Variants in PCDHA4 observed in about 807,000 individuals in gnomAD.
The protein encoded by PCDHA4 is protocadherin alpha 4.
Under a neutral mutation model 61.4 loss-of-function variants are expected in PCDHA4, and 49 were observed. The ratio of observed to expected loss-of-function variants is 0.80; its 90% CI spans 0.63 to 1.01. PCDHA4 has a LOEUF of 1.01. Ranked by LOEUF, PCDHA4 falls within the 50% of genes least tolerant of loss-of-function variation. The probability of loss-of-function intolerance (pLI) is 0.00; values close to 1 mark genes in which losing one functional copy is unlikely to be tolerated. For synonymous variants in PCDHA4, 590 were observed against 550.3 expected, an observed-to-expected ratio of 1.07 and a Z score of -1.01; for missense variants, 1,254 against 1,235.8, an observed-to-expected ratio of 1.01 and a Z score of -0.22.
At chr5:140,823,054 C>A (rs2150121717) in intron 1 of PCDHA4, 2 of 1,614,154 alleles carry the variant, frequency 1.2e-6, no homozygotes, top group East Asian at 2.2e-5. Context: ...GGTGACCGCG[C>A]GGGACGGGGG....
chr5:140,972,583 T>G (rs1445659828), intron 1 of PCDHA4, among the ~76,000 whole-genome samples: 1 of 152,088 alleles, frequency 6.6e-6, no homozygotes, highest in African/African-American at 2.4e-5. Flanking sequence ...TAGGGCAGAA[T>G]TTCTCTTTGG....
chr5:140,849,578 G>A (rs2150441176), intron 1 of PCDHA4: 2 of 1,598,680 alleles, frequency 1.3e-6, no homozygotes, highest in East Asian at 2.2e-5. Flanking sequence ...CTGTAAAAGA[G>A]GACGCACAAC....
At chr5:140,876,509 A>G (rs782112140) in intron 1 of PCDHA4, 2 of 1,614,020 alleles carry the variant, frequency 1.2e-6, no homozygotes, top group South Asian at 2.2e-5. Flanking sequence ...GTGAATGACA[A>G]TGTCCCTGAA....
At position 140,808,110 on chromosome 5, in the gene PCDHA4, T is replaced by A; in HGVS notation, c.923T>A (p.Ile308Asn). ...GGACAAATTATTGTAAAGGGATATATTGACTTTGAAGAAAGCAAATCCTAT... is the reference window on the plus strand; with the variant it reads ...GGACAAATTATTGTAAAGGGATATAATGACTTTGAAGAAAGCAAATCCTAT... Reference protein sequence around the residue: ...ITGQIIVKGYIDFEESKSYEI... With the variant: ...ITGQIIVKGYNDFEESKSYEI... Residue 308 changes from isoleucine to asparagine, a missense_variant, in exon 1 of 4, where the codon ATT becomes AAT. Physicochemically the swap from Ile to Asn is moderately radical, Grantham distance 149. Coordinates refer to ENST00000530339, the MANE Select transcript of PCDHA4 (RefSeq NM_018907.4). The A allele has an allele frequency of 6.2e-7, 1 of 1,614,050 alleles. No individual in the cohort carries two copies. The highest frequency in any genetic ancestry group is 8.5e-7 in the Non-Finnish European group (1 of 1,179,888).
chr5:140,895,881 G>A (rs1004872677), intron 1 of PCDHA4, among the ~76,000 whole-genome samples: 22 of 152,176 alleles, frequency 1.4e-4, no homozygotes, highest in East Asian at 1.9e-4. Flanking sequence ...GCGCGATCTC[G>A]GCTCACTGCA....
chr5:140,855,741 A>C, intron 1 of PCDHA4: 2 of 313,634 alleles, frequency 6.4e-6, no homozygotes, highest in Non-Finnish European at 5.9e-6. Flanking sequence ...AAGAGACGTA[A>C]TGTGAGGCTT....
chr5:140,942,572 C>A (rs2093326271), intron 1 of PCDHA4, among the ~76,000 whole-genome samples: 1 of 151,292 alleles, frequency 6.6e-6, no homozygotes, highest in Non-Finnish European at 1.5e-5. Flanking sequence ...AAAAATCTTC[C>A]CATATAGGAT....
chr5:140,829,381 G>A (rs2150166852), intron 1 of PCDHA4: 10 of 1,614,200 alleles, frequency 6.2e-6, no homozygotes, highest in African/African-American at 1.3e-5. Context: ...CGCGGGACGG[G>A]GGCTCGCCTT....
chr5:140,926,128 CGCAGCAGGATCCAGCGCGGAAAGCTCT>C (rs1157627097), intron 1 of PCDHA4, among the ~76,000 whole-genome samples: 1 of 152,278 alleles, frequency 6.6e-6, no homozygotes, highest in East Asian at 1.9e-4. Flanking sequence ...GACTTCAACC[CGCAGCAGGATCCAGCGCGGAAAGCTCT>C]GCAGCAGGAT....
intron 1 of PCDHA4, chr5:140,823,399 C>T: frequency 6.2e-7 from 1 of 1,612,960 alleles, no homozygotes; most frequent in South Asian, 1.1e-5. Context: ...CGCGGGCGTG[C>T]CGCCTCTGGG....
intron 3 of PCDHA4, among the ~76,000 whole-genome samples, chr5:140,993,826 C>T (rs1401311421): frequency 1.3e-5 from 2 of 152,134 alleles, no homozygotes; most frequent in African/African-American, 4.8e-5. Context: ...ATAGGCTATA[C>T]CATATAGCCT....
At chr5:140,975,823 G>A (rs1239122577) in intron 1 of PCDHA4, among the ~76,000 whole-genome samples, 2 of 152,164 alleles carry the variant, frequency 1.3e-5, no homozygotes, top group Non-Finnish European at 2.9e-5. Context: ...AGGAACTGAA[G>A]TGTATTCTTA....
intron 1 of PCDHA4, chr5:140,860,447 A>T (rs1242809569): frequency 6.6e-6 from 1 of 152,198 alleles, no homozygotes; most frequent in East Asian, 1.9e-4. Context: ...TTTCATATTA[A>T]TTCACGTGAT....
chr5:140,841,443 A>C (rs2150315650), intron 1 of PCDHA4: 1 of 1,612,892 alleles, frequency 6.2e-7, no homozygotes, highest in Admixed American at 1.7e-5. Context: ...GAGGCCAAAC[A>C]CGGCACCTTC....
chr5:140,924,110 CAGTT>C (rs1462987261), intron 1 of PCDHA4, among the ~76,000 whole-genome samples: 2 of 152,206 alleles, frequency 1.3e-5, no homozygotes, highest in Non-Finnish European at 2.9e-5. Flanking sequence ...CATTCCAAAG[CAGTT>C]AGCTTGCTTA....
At chr5:140,893,104 T>A (rs2063818844) in intron 1 of PCDHA4, among the ~76,000 whole-genome samples, 1 of 152,224 alleles carries the variant, frequency 6.6e-6, no homozygotes, top group South Asian at 2.1e-4. Flanking sequence ...TGGATAATAT[T>A]CCGTTGTGCA....
chr5:140,856,012 G>T, intron 1 of PCDHA4: 1 of 1,547,012 alleles, frequency 6.5e-7, no homozygotes, highest in Non-Finnish European at 8.8e-7. Context: ...GTTCTAGACC[G>T]CTGATTCGTC....
chr5:140,930,055 A>G (rs1249446079), intron 1 of PCDHA4: 2 of 152,206 alleles, frequency 1.3e-5, no homozygotes, highest in Admixed American at 6.5e-5. Context: ...GTTTTTGCTT[A>G]CACAAAAACT....
intron 1 of PCDHA4, chr5:140,823,118 A>C (rs2150122501): frequency 6.2e-7 from 1 of 1,614,030 alleles, no homozygotes. Context: ...GCCGACGTGA[A>C]CGACAACGCT....
Sources: allele counts gnomAD v4.1 joint callset (sites outside exome capture counted in the v4.1 genomes callset), GRCh38; gene constraint gnomAD v4.1.1; transcripts MANE v1.5; gene names NCBI Gene and HGNC (gene_info 2026-07-23, HGNC 2026-07-21).